RALYL: variants seen among roughly 807,000 people sequenced by gnomAD.
RALYL encodes RALY RNA binding protein like.
Under a neutral mutation model 35.1 loss-of-function variants are expected in RALYL, and 29 were observed. The observed-to-expected ratio is 0.83, with a 90% CI of 0.61 to 1.13. The LOEUF is 1.13. Among genes scored for constraint, RALYL ranks in the 50% most tolerant of loss-of-function variants. The probability of loss-of-function intolerance (pLI) is 0.00; values close to 1 mark genes in which losing one functional copy is unlikely to be tolerated. For missense variants in RALYL, 359 were observed against 360.4 expected (o/e 1.00, Z 0.03); for synonymous variants, 120 against 127.6 (o/e 0.94, Z 0.40).
At chr8:84,817,681 A>G (rs1337753294) in intron 4 of RALYL, among the ~76,000 whole-genome samples, 1 of 151,870 alleles carries the variant, frequency 6.6e-6, no homozygotes, top group African/African-American at 2.4e-5. Context: ...CAGCTTCCCA[A>G]GTAGCTGGAA....
At chr8:84,852,206 C>A (rs1435187647) in intron 5 of RALYL, among the ~76,000 whole-genome samples, 1 of 152,170 alleles carries the variant, frequency 6.6e-6, no homozygotes, top group Non-Finnish European at 1.5e-5. Flanking sequence ...ATCAGACCCA[C>A]AACTGTAACT....
chr8:84,456,903 T>C (rs2050199241), intron 1 of RALYL, among the ~76,000 whole-genome samples: 1 of 151,954 alleles, frequency 6.6e-6, no homozygotes, highest in South Asian at 2.1e-4. Context: ...ATTGATGTAA[T>C]TGCCCTCCTT....
chr8:84,766,738 A>AAC (rs1563555982), intron 2 of RALYL, among the ~76,000 whole-genome samples: 33 of 148,556 alleles, frequency 2.2e-4, no homozygotes, highest in African/African-American at 7.9e-4. Flanking sequence ...AAAAAAAAAA[A>AAC]AAAAAAAAAA....
chr8:84,190,571 C>G (rs1386732719), intron 1 of RALYL, among the ~76,000 whole-genome samples: 1 of 152,136 alleles, frequency 6.6e-6, no homozygotes, highest in Non-Finnish European at 1.5e-5. Context: ...GGGTTAAATG[C>G]TGCCTTTGAA....
At chr8:84,643,082 A>G (rs1439110030) in intron 2 of RALYL, among the ~76,000 whole-genome samples, 1 of 151,892 alleles carries the variant, frequency 6.6e-6, no homozygotes, top group Non-Finnish European at 1.5e-5. Context: ...GGGCCCACAC[A>G]CAAAGGTCAC....
At position 84,758,909 on chromosome 8, in the gene RALYL, T is replaced by C. The variant is rs116295630; in HGVS notation, c.257-15670T>C. 1.4e-3 allele frequency among the ~76,000 whole-genome samples: 210 copies of C among 152,322 alleles called. 1 individual carries two copies. The highest frequency in any genetic ancestry group is 4.5e-3 in the African/African-American group (186 of 41,576). On this transcript the variant is annotated intron_variant, in intron 2 of 8. Coordinates refer to ENST00000521268, the MANE Select transcript of RALYL (RefSeq NM_173848.7). ...TAACTTTAAAGACTCAAATTTAGTA[T>C]CTTAAAGTTCTGTAGATCAGAAGTC...
intron 1 of RALYL, among the ~76,000 whole-genome samples, chr8:84,274,680 T>C (rs1835012756): frequency 6.6e-6 from 1 of 152,098 alleles, no homozygotes; most frequent in Non-Finnish European, 1.5e-5. Flanking sequence ...AGGAATTGTA[T>C]CTCTATAAGT....
At chr8:84,426,436 C>CTGTGTGTG (rs746277761) in intron 1 of RALYL, among the ~76,000 whole-genome samples, 24,292 of 129,392 alleles carry the variant, frequency 0.19, 2,230 homozygotes, top group South Asian at 0.25. Context: ...CTCTCTCTCT[C>CTGTGTGTG]TCTGTGTGTG....
intron 2 of RALYL, among the ~76,000 whole-genome samples, chr8:84,756,065 T>C (rs544933056): frequency 6.6e-6 from 1 of 152,226 alleles, no homozygotes; most frequent in East Asian, 1.9e-4. Flanking sequence ...TTTTGAATTT[T>C]TGAGATTAGT....
At chr8:84,662,263 C>T (rs1831086685) in intron 2 of RALYL, among the ~76,000 whole-genome samples, 2 of 152,100 alleles carry the variant, frequency 1.3e-5, no homozygotes, top group African/African-American at 4.8e-5. Flanking sequence ...TCATTTCCTA[C>T]CTTGCTTCTG....
intron 2 of RALYL, among the ~76,000 whole-genome samples, chr8:84,719,591 T>C (rs1383937522): frequency 6.6e-6 from 1 of 152,192 alleles, no homozygotes; most frequent in Non-Finnish European, 1.5e-5. Flanking sequence ...ACAAGCCCTA[T>C]TGTTGTACTA....
In RALYL at chr8:84,862,437, G is replaced by T. The variant is rs368121390; in HGVS notation, c.555G>T (p.Gly185=). Residue 185 remains glycine (G), a synonymous_variant, in exon 6 of 9, where the codon GGG becomes GGT. Transcript: ENST00000521268. ...GTGGATCGAGATCTACTGCCAGTGG[G>T]TCAACAGGTTCTAAATGTAAGTAAT... ...MKGGSRSTAS[G]STGSKLKSDE... is the part of the protein sequence containing the mutation. The T allele has an allele frequency of 5.6e-6, 9 of 1,598,836 alleles. No individual in the cohort carries two copies. Among genetic ancestry groups the T allele is most frequent in the Non-Finnish European group, 7.7e-6 (9 of 1,174,234 alleles).
chr8:84,323,083 T>TA (rs1845177636), intron 1 of RALYL, among the ~76,000 whole-genome samples: 1 of 152,040 alleles, frequency 6.6e-6, no homozygotes, highest in South Asian at 2.1e-4. Flanking sequence ...ACAGAAAATA[T>TA]ATATTGTGGT....
chr8:84,290,607 C>T (rs1585986489), intron 1 of RALYL, among the ~76,000 whole-genome samples: 2 of 152,224 alleles, frequency 1.3e-5, no homozygotes, highest in African/African-American at 4.8e-5. Flanking sequence ...CCCATTTACA[C>T]TTCTTTTGTG....
intron 1 of RALYL, among the ~76,000 whole-genome samples, chr8:84,241,464 G>C (rs1490896617): frequency 1.3e-5 from 2 of 152,134 alleles, no homozygotes; most frequent in African/African-American, 2.4e-5. Flanking sequence ...TGCTGAGTGT[G>C]ATCAGTGAAT....
intron 2 of RALYL, among the ~76,000 whole-genome samples, chr8:84,661,771 T>G (rs910243716): frequency 6.6e-6 from 1 of 152,090 alleles, no homozygotes; most frequent in African/African-American, 2.4e-5. Flanking sequence ...TTACATATAT[T>G]TTTTGATAAG....
At chr8:84,379,658 C>CAAACAAAAAACAAAAACAA (rs1857560190) in intron 1 of RALYL, among the ~76,000 whole-genome samples, 1 of 151,208 alleles carries the variant, frequency 6.6e-6, no homozygotes, top group Non-Finnish European at 1.5e-5. Context: ...AACAAACAAA[C>CAAACAAAAAACAAAAACAA]AAACAAAAAA....
intron 1 of RALYL, among the ~76,000 whole-genome samples, chr8:84,311,090 A>AAAAAAAAAAAAAAAAAAAAAAATAT (rs1554614840): frequency 1.0e-5 from 1 of 99,720 alleles, no homozygotes; most frequent in Admixed American, 1.2e-4. Flanking sequence ...AAAAAAAAAA[A>AAAAAAAAAAAAAAAAAAAAAAATAT]ATGTATATTA....
intron 2 of RALYL, among the ~76,000 whole-genome samples, chr8:84,770,406 T>TCATATATATATA (rs550466476): frequency 1.3e-5 from 2 of 150,176 alleles, no homozygotes; most frequent in African/African-American, 2.4e-5. Context: ...TAGTAGTCCA[T>TCATATATATATA]CATATATATA....
Sources: allele counts gnomAD v4.1 joint callset (sites outside exome capture counted in the v4.1 genomes callset), GRCh38; gene constraint gnomAD v4.1.1; transcripts MANE v1.5; gene names NCBI Gene and HGNC (gene_info 2026-07-23, HGNC 2026-07-21).